Variants in TMEM108 observed in about 807,000 individuals in gnomAD.
TMEM108 encodes the protein transmembrane protein 108, also known as cancer/testis antigen 124.
A neutral mutation model predicts 35.1 loss-of-function variants in TMEM108; 12 were observed. That is an observed-to-expected ratio of 0.34 (90% CI 0.22 to 0.55). TMEM108 has a LOEUF of 0.55. Among genes scored for constraint, TMEM108 ranks in the 20% least tolerant of loss-of-function variants. TMEM108 has a pLI of 0.89. For synonymous variants in TMEM108, 287 were observed against 308.6 expected, an observed-to-expected ratio of 0.93 and a Z score of 0.73; for missense variants, 680 against 753.3, an observed-to-expected ratio of 0.90 and a Z score of 1.14.
intron 3 of TMEM108, among the ~76,000 whole-genome samples, chr3:133,274,256 G>A (rs1946810302): frequency 6.6e-6 from 1 of 152,192 alleles, no homozygotes; most frequent in African/African-American, 2.4e-5. Flanking sequence ...GTTTCATTTT[G>A]TTTTGTTTTT....
chr3:133,331,959 A>G (rs2107728058), intron 3 of TMEM108, among the ~76,000 whole-genome samples: 1 of 152,356 alleles, frequency 6.6e-6, no homozygotes, highest in South Asian at 2.1e-4. Context: ...TATAGACCAT[A>G]GTCACACTTA....
chr3:133,236,675 CT>C (rs962420576), intron 3 of TMEM108, among the ~76,000 whole-genome samples: 2 of 152,124 alleles, frequency 1.3e-5, no homozygotes, highest in African/African-American at 4.8e-5. Context: ...CTTTTCAACT[CT>C]AACCATTCCT....
At chr3:133,065,181 TCACTG>T (rs1337488412) in intron 2 of TMEM108, among the ~76,000 whole-genome samples, 1 of 151,486 alleles carries the variant, frequency 6.6e-6, no homozygotes, top group Non-Finnish European at 1.5e-5. Flanking sequence ...GATTAAATTG[TCACTG>T]CATTTTTTTT....
intron 2 of TMEM108, among the ~76,000 whole-genome samples, chr3:133,059,614 CG>C (rs528518882): frequency 6.6e-4 from 100 of 152,270 alleles, no homozygotes; most frequent in Middle Eastern, 3.4e-3. Context: ...TGTGCGGCTG[CG>C]GAAGAGTTAG....
chr3:133,188,964 GC>G (rs1284754205), intron 2 of TMEM108, among the ~76,000 whole-genome samples: 2 of 152,228 alleles, frequency 1.3e-5, no homozygotes, highest in East Asian at 3.9e-4. Flanking sequence ...AGTGGATGGC[GC>G]ATCATGCAGG....
chr3:133,370,914 G>A (rs1284189389), intron 3 of TMEM108, among the ~76,000 whole-genome samples: 2 of 145,554 alleles, frequency 1.4e-5, no homozygotes, highest in African/African-American at 5.1e-5. Context: ...GTGTGTGTGT[G>A]TGTGTGTGCC....
chr3:133,162,118 T>A (rs1944969293), intron 2 of TMEM108, among the ~76,000 whole-genome samples: 1 of 152,060 alleles, frequency 6.6e-6, no homozygotes, highest in Admixed American at 6.5e-5. Context: ...CTATCCTAAA[T>A]AGCTGTACTT....
intron 3 of TMEM108, among the ~76,000 whole-genome samples, chr3:133,284,579 A>G (rs1216516876): frequency 2.6e-5 from 4 of 152,240 alleles, no homozygotes; most frequent in African/African-American, 9.6e-5. Flanking sequence ...GGTCACAGCC[A>G]GCACATCCCT....
At chr3:133,230,733 G>A (rs1044122228) in intron 3 of TMEM108, among the ~76,000 whole-genome samples, 3 of 152,176 alleles carry the variant, frequency 2.0e-5, no homozygotes, top group African/African-American at 7.2e-5. Flanking sequence ...GTTCACCTAT[G>A]CCGATTGTAT....
In TMEM108 at chr3:133,213,039, C is replaced by CATTTGTGTCTT. The variant is rs373063912; in HGVS notation, c.-46-16225_-46-16224insTTGTGTCTTAT. Among the ~76,000 whole-genome samples, 979 of 152,260 alleles carry CATTTGTGTCTT rather than the reference C, an allele frequency of 6.4e-3. 14 individuals carry two copies. Among genetic ancestry groups the CATTTGTGTCTT allele is most frequent in the African/African-American group, 0.022 (934 of 41,546 alleles). On this transcript the variant is annotated intron_variant, in intron 2 of 5. Coordinates refer to ENST00000321871, the MANE Select transcript of TMEM108 (RefSeq NM_023943.4). ...TAACCCAAACCCAGCCCTGTGGACA[C>CATTTGTGTCTT]ATGCATTCATTTGTGACTTATGCTA...
At chr3:133,049,263 C>G (rs900090083) in intron 2 of TMEM108, among the ~76,000 whole-genome samples, 12 of 152,134 alleles carry the variant, frequency 7.9e-5, no homozygotes, top group Non-Finnish European at 1.6e-4. Context: ...TAGCCACTAG[C>G]CACATGTGGC....
At chr3:133,241,061 C>T (rs1559879074) in intron 3 of TMEM108, among the ~76,000 whole-genome samples, 4 of 145,202 alleles carry the variant, frequency 2.8e-5, no homozygotes, top group South Asian at 2.3e-4. Flanking sequence ...AGAGAACTGT[C>T]GTCTTTGTTA....
intron 2 of TMEM108, among the ~76,000 whole-genome samples, chr3:133,201,546 T>C (rs1180214668): frequency 6.6e-6 from 1 of 150,452 alleles, no homozygotes; most frequent in Non-Finnish European, 1.5e-5. Flanking sequence ...TGAGAACACA[T>C]GGTGTTTGGT....
chr3:133,229,262 C>T lies in TMEM108; in HGVS notation c.-46-4C>T, dbSNP rs761190242. Reference sequence around the variant, plus strand: ...GTAACAATTTTCTTCTCCCAATTTCCTAGACAGAATCATGAATAAACTGGA... The same window carrying T: ...GTAACAATTTTCTTCTCCCAATTTCTTAGACAGAATCATGAATAAACTGGA... On this transcript the variant is annotated splice_polypyrimidine_tract_variant and splice_region_variant and intron_variant, in intron 2 of 5. Coordinates refer to ENST00000321871, the MANE Select transcript of TMEM108 (RefSeq NM_023943.4). 6.3e-7 allele frequency: 1 copy of T among 1,579,854 alleles called. No homozygotes were observed. Among genetic ancestry groups the T allele is most frequent in the African/African-American group, 1.4e-5 (1 of 73,562 alleles).
At chr3:133,357,012 A>G (rs1279122615) in intron 3 of TMEM108, among the ~76,000 whole-genome samples, 1 of 151,984 alleles carries the variant, frequency 6.6e-6, no homozygotes, top group Non-Finnish European at 1.5e-5. Flanking sequence ...TAGGCAGTGT[A>G]AACAGACAGT....
At chr3:133,198,341 A>AGGAC (rs113794054) in intron 2 of TMEM108, among the ~76,000 whole-genome samples, 112,096 of 151,694 alleles carry the variant, frequency 0.74, 41,977 homozygotes, top group East Asian at 0.94. Context: ...CTTTGGGAGA[A>AGGAC]GCTTTCTTTA....
chr3:133,205,143 T>C (rs796719758), intron 2 of TMEM108, among the ~76,000 whole-genome samples: 1 of 151,014 alleles, frequency 6.6e-6, no homozygotes, highest in African/African-American at 2.4e-5. Flanking sequence ...TTTTTTTTTT[T>C]CTTTCCATTT....
intron 3 of TMEM108, among the ~76,000 whole-genome samples, chr3:133,316,305 A>G (rs1031732473): frequency 6.6e-6 from 1 of 152,236 alleles, no homozygotes; most frequent in Non-Finnish European, 1.5e-5. Flanking sequence ...TTGTATAGAT[A>G]TCCTCCATAT....
Position 133,377,931 on chromosome 3 carries a change from G to A in TMEM108, c.41-1821G>A, listed in dbSNP as rs189197645. On this transcript the variant is annotated intron_variant, in intron 3 of 5. Transcript: ENST00000321871. ...ACATGCAAGGGATGGATCTGGTTGC[G>A]TGCTCCTGATGAGAATTGAATGCCT... Among the ~76,000 whole-genome samples the A allele has an allele frequency of 7.5e-4, 114 of 152,258 alleles. 1 individual carries two copies. The highest frequency in any genetic ancestry group is 4.7e-4 in the Non-Finnish European group (32 of 68,020).
Sources: allele counts gnomAD v4.1 joint callset (sites outside exome capture counted in the v4.1 genomes callset), GRCh38; gene constraint gnomAD v4.1.1; transcripts MANE v1.5; gene names NCBI Gene and HGNC (gene_info 2026-07-23, HGNC 2026-07-21).